TEX14: variants seen among roughly 807,000 people sequenced by gnomAD.
TEX14 encodes testis expressed 14, intercellular bridge forming factor, also known as inactive serine/threonine-protein kinase TEX14.
A neutral mutation model predicts 178.6 loss-of-function variants in TEX14; 168 were observed. The observed-to-expected ratio is 0.94, with a 90% CI of 0.83 to 1.07. TEX14 has a LOEUF of 1.07. Among genes scored for constraint, TEX14 ranks in the 50% least tolerant of loss-of-function variants. The pLI is 0.00. For missense variants in TEX14, 1,730 were observed against 1,753.6 expected, an observed-to-expected ratio of 0.99 and a Z score of 0.24; for synonymous variants, 626 against 634.1, an observed-to-expected ratio of 0.99 and a Z score of 0.19.
rs556609814 is a variant in TEX14, at chr17:58,645,142, T to C, written c.136+6724A>G. Among the ~76,000 whole-genome samples the C allele has an allele frequency of 6.6e-5, 10 of 150,540 alleles. 1 individual carries two copies. In the South Asian group the frequency reaches 2.1e-3, roughly 32 times the overall value. On this transcript the variant is annotated intron_variant, in intron 2 of 31. Transcript: ENST00000349033. ...CTAGGACTACAGGCCCACGCCACCATATCCAGCTAATTTTTTTGTATTTTT... is the reference window on the plus strand; with the variant it reads ...CTAGGACTACAGGCCCACGCCACCACATCCAGCTAATTTTTTTGTATTTTT...
chr17:58,626,751 G>T (rs904722860), intron 3 of TEX14, among the ~76,000 whole-genome samples: 2 of 151,546 alleles, frequency 1.3e-5, no homozygotes, highest in Non-Finnish European at 2.9e-5. Context: ...CGCGCCTGTA[G>T]TCCCAGGTAC....
At position 58,573,225 on chromosome 17, in the gene TEX14, T is replaced by G. The variant is rs147150234; in HGVS notation, c.3467A>C (p.Lys1156Thr). ...GACACTGGTAGGTGCATGGTTTATT[T>G]TGGGTGTTTTGCATGAAGCTTCCTT... is the stretch of plus-strand genomic sequence containing the variant. ...SFKEASCKTP[K>T]INHAPTSVST... The change falls in exon 23 of 32, where the codon AAA becomes ACA. Residue 1156 changes from lysine to threonine, a missense_variant. Coordinates refer to ENST00000349033, the MANE Select transcript of TEX14 (RefSeq NM_031272.5). The G allele has an allele frequency of 9.9e-5, 160 of 1,614,158 alleles. No homozygotes were observed. In the African/African-American group the frequency reaches 1.9e-3, roughly 19 times the overall value.
At chr17:58,599,786 C>G (rs2045384293) in intron 13 of TEX14, 120 bp from the exon 14 acceptor site, 1 of 761,984 alleles carries the variant, frequency 1.3e-6, no homozygotes, top group African/African-American at 1.8e-5. Flanking sequence ...TTTATTTTCC[C>G]ACCCCCTTCC....
chr17:58,645,046 C>T (rs1031565298), intron 2 of TEX14, among the ~76,000 whole-genome samples: 17 of 148,248 alleles, frequency 1.1e-4, no homozygotes, highest in African/African-American at 4.0e-4. Flanking sequence ...AGTGCAGTGG[C>T]GTGATCTCAG....
Position 58,572,062 on chromosome 17 carries a change from C to G in TEX14, c.3576G>C (p.Lys1192Asn). Reference protein sequence around the residue: ...DCLESITFQVKTEFASCWNSQ... With the variant: ...DCLESITFQVNTEFASCWNSQ... The stretch of plus-strand genomic sequence containing the variant: ...TGTTCCAGCAAGAGGCAAACTCTGT[C>G]TTAACCTGAAATGTGATACTTTCAA... Residue 1192 changes from lysine to asparagine, a missense_variant, in exon 24 of 32, where the codon AAG (lysine) becomes AAC (asparagine). By Grantham distance (94) the Lys-to-Asn change is moderately conservative. Around this residue, in one of 2 missense-constraint regions of TEX14, gnomAD observed 941 missense variants for 1,072.4 expected, o/e 0.88. Coordinates refer to ENST00000349033, the MANE Select transcript of TEX14 (RefSeq NM_031272.5). 1 of 1,614,180 alleles carries G rather than the reference C, an allele frequency of 6.2e-7. No individual in the cohort carries two copies. The highest frequency in any genetic ancestry group is 8.5e-7 in the Non-Finnish European group (1 of 1,180,038).
intron 1 of TEX14, among the ~76,000 whole-genome samples, chr17:58,674,942 T>C (rs1193599400): frequency 1.3e-5 from 2 of 151,022 alleles, no homozygotes; most frequent in Non-Finnish European, 1.5e-5. Context: ...AGCCAGGAGT[T>C]TGAGACCAGC....
chr17:58,587,843 A>ACCCCCCCCCACCCCCCC, intron 16 of TEX14, 53 bp downstream of exon 16: 4 of 1,118,854 alleles, frequency 3.6e-6, no homozygotes, highest in Non-Finnish European at 2.7e-6. Context: ...GGGTGCCAGA[A>ACCCCCCCCCACCCCCCC]CCCACCCCCA....
At chr17:58,608,794 T>G (rs2045676841) in intron 10 of TEX14, among the ~76,000 whole-genome samples, 1 of 152,160 alleles carries the variant, frequency 6.6e-6, no homozygotes, top group African/African-American at 2.4e-5. Context: ...TGAAGTGACT[T>G]TAAAAGGCTA....
chr17:58,623,066 T>C, intron 3 of TEX14, 54 bp from the exon 4 acceptor site: 2 of 1,537,104 alleles, frequency 1.3e-6, no homozygotes, highest in Non-Finnish European at 8.9e-7. Flanking sequence ...CTGCATTCCA[T>C]GGAGCGGGGC....
chr17:58,651,933 C>G lies in TEX14; in HGVS notation c.69G>C (p.Leu23=), dbSNP rs769080321. The G allele has an allele frequency of 2.5e-6, 4 of 1,613,100 alleles. No individual in the cohort carries two copies. The highest frequency in any genetic ancestry group is 3.4e-6 in the Non-Finnish European group (4 of 1,179,752). Residue 23 remains leucine (L), a synonymous_variant, in exon 2 of 32, where the codon CTG becomes CTC. Coordinates refer to ENST00000349033, the MANE Select transcript of TEX14 (RefSeq NM_031272.5). ...TGACATACTCATGAAGCTGAGCTTC[C>G]AGGGAGTCATTTCTTAAGGTACCAA... The part of the protein sequence containing the change: ...VQLGTLRNDS[L]EAQLHEYVKQ...
In TEX14 at chr17:58,584,499, C is replaced by A. The variant is rs770624541; in HGVS notation, c.3171+1G>T. ...TTGGCTTTCCAGGCAGTATTACTTA[C>A]ACTGTAAGATTTCTCTACAGCCACC... On this transcript the variant is annotated splice_donor_variant, in intron 19 of 31. Coordinates refer to ENST00000349033, the MANE Select transcript of TEX14 (RefSeq NM_031272.5). LOFTEE classifies it high-confidence loss of function. 6.2e-7 allele frequency: 1 copy of A among 1,610,206 alleles called. No individual in the cohort carries two copies. Among genetic ancestry groups the A allele is most frequent in the Admixed American group, 1.7e-5 (1 of 59,980 alleles).
intron 3 of TEX14, among the ~76,000 whole-genome samples, chr17:58,624,024 C>CT (rs569250514): frequency 7.0e-4 from 106 of 152,294 alleles, no homozygotes; most frequent in Middle Eastern, 3.4e-3. Context: ...TGGCTCACGC[C>CT]TGTAATCCCA....
intron 1 of TEX14, among the ~76,000 whole-genome samples, chr17:58,684,681 A>AT (rs1567776501): frequency 6.8e-6 from 1 of 147,026 alleles, no homozygotes; most frequent in Admixed American, 6.9e-5. Context: ...AAATAAATAA[A>AT]AAGCTTTCTT....
intron 4 of TEX14, 115 bp from the exon 5 acceptor site, chr17:58,621,901 T>C (rs533265589): frequency 1.6e-6 from 2 of 1,228,388 alleles, no homozygotes; most frequent in Admixed American, 5.3e-5. Context: ...GAAAAACCTC[T>C]CAAAAGGAAA....
At chr17:58,656,485 G>A (rs1333407846) in intron 1 of TEX14, among the ~76,000 whole-genome samples, 1 of 152,022 alleles carries the variant, frequency 6.6e-6, no homozygotes, top group Admixed American at 6.6e-5. Context: ...GCTGGGCACA[G>A]TGGCTCATGC....
At chr17:58,676,634 G>A (rs556108467) in intron 1 of TEX14, among the ~76,000 whole-genome samples, 1 of 152,124 alleles carries the variant, frequency 6.6e-6, no homozygotes, top group Non-Finnish European at 1.5e-5. Flanking sequence ...ATTCAAAGTA[G>A]TCATTTTAGA....
At chr17:58,668,752 C>T (rs903050582) in intron 1 of TEX14, among the ~76,000 whole-genome samples, 8 of 152,120 alleles carry the variant, frequency 5.3e-5, no homozygotes, top group Middle Eastern at 6.8e-3. Flanking sequence ...TCTGGATCAC[C>T]CAGAAAGCAT....
intron 31 of TEX14, 51 bp downstream of exon 31, chr17:58,557,748 T>A (rs1157776087): frequency 2.8e-6 from 4 of 1,440,682 alleles, no homozygotes; most frequent in Non-Finnish European, 3.9e-6. Flanking sequence ...AGTCTGCTTC[T>A]GTTGTCTATA....
At chr17:58,631,733 G>C (rs1052287791) in intron 2 of TEX14, 2 of 144,924 alleles carry the variant, frequency 1.4e-5, no homozygotes, top group Non-Finnish European at 1.5e-5. Flanking sequence ...TCCCACTCGT[G>C]AGAGAACACA....
Sources: gnomAD v4.1 joint callset for allele counts (sites outside exome capture counted in the v4.1 genomes callset) on GRCh38, gnomAD v4.1.1 for gene constraint, gnomAD v4.1.1 regional missense constraint, MANE v1.5 for transcripts, NCBI Gene and HGNC (gene_info 2026-07-23, HGNC 2026-07-21) for gene names.